Variants in HIVEP3 observed in about 807,000 individuals in gnomAD.
HIVEP3 encodes HIVEP zinc finger 3, also known as transcription factor HIVEP3.
A neutral mutation model predicts 152.8 loss-of-function variants in HIVEP3; 49 were observed. The observed-to-expected ratio is 0.32, with a 90% confidence interval of 0.26 to 0.41. HIVEP3 has a LOEUF of 0.41. Ranked by LOEUF, HIVEP3 falls within the 10% of genes least tolerant of loss-of-function variation. The pLI is 1.00. For synonymous variants in HIVEP3, 1,269 were observed against 1,289.0 expected (o/e 0.98, Z 0.33); for missense variants, 2,790 against 3,103.3 (o/e 0.90, Z 2.40).
intron 1 of HIVEP3, among the ~76,000 whole-genome samples, chr1:41,913,004 T>C (rs191346025): frequency 6.6e-6 from 1 of 152,310 alleles, no homozygotes; most frequent in Non-Finnish European, 1.5e-5. Context: ...ATGTGAACTG[T>C]ATGTTGCAAA....
At chr1:41,772,213 T>C (rs1648419272) in intron 1 of HIVEP3, among the ~76,000 whole-genome samples, 1 of 152,226 alleles carries the variant, frequency 6.6e-6, no homozygotes, top group Non-Finnish European at 1.5e-5. Flanking sequence ...CACTTGGGCA[T>C]GAACAGGGCC....
At chr1:41,788,410 A>G (rs1428563199) in intron 1 of HIVEP3, among the ~76,000 whole-genome samples, 2 of 152,206 alleles carry the variant, frequency 1.3e-5, no homozygotes, top group African/African-American at 2.4e-5. Flanking sequence ...GCCACCCAAG[A>G]CCACTCAGCC....
intron 2 of HIVEP3, among the ~76,000 whole-genome samples, chr1:41,690,832 C>G (rs555438915): frequency 6.6e-6 from 1 of 152,258 alleles, no homozygotes; most frequent in South Asian, 2.1e-4. Flanking sequence ...GCAGGAGAAT[C>G]GCTTGAACCC....
chr1:41,521,756 A>C (rs1642764756), intron 6 of HIVEP3, among the ~76,000 whole-genome samples: 1 of 152,236 alleles, frequency 6.6e-6, no homozygotes, highest in East Asian at 1.9e-4. Context: ...GCATCCACCA[A>C]CAACCCTGCC....
Position 41,513,388 on chromosome 1 carries a change from C to T in HIVEP3, c.5833G>A (p.Ala1945Thr), listed in dbSNP as rs566157911. The change falls in exon 8 of 9, where the codon GCC becomes ACC. Residue 1945 changes from alanine (A) to threonine (T), a missense_variant. Coordinates refer to ENST00000372583, the MANE Select transcript of HIVEP3 (RefSeq NM_024503.5). ...SMPGLPWLGP[A>T]PLGSVEKDTG... The stretch of plus-strand genomic sequence containing the variant: ...TCTTTCTCCACAGAGCCCAGAGGGG[C>T]CGGTCCCAGCCAGGGGAGGCCCGGC... 2.5e-6 allele frequency: 4 copies of T among 1,611,692 alleles called. No homozygotes were observed. In the East Asian group the frequency reaches 6.7e-5, roughly 27 times the overall value.
chr1:41,853,870 G>C (rs1343703485), intron 1 of HIVEP3, among the ~76,000 whole-genome samples: 8 of 152,164 alleles, frequency 5.3e-5, no homozygotes, highest in African/African-American at 1.9e-4. Flanking sequence ...GCGGCTCTAG[G>C]CTGCTGATGC....
intron 5 of HIVEP3, among the ~76,000 whole-genome samples, chr1:41,554,384 C>T (rs375231469): frequency 6.7e-4 from 102 of 152,314 alleles, no homozygotes; most frequent in African/African-American, 2.1e-3. Flanking sequence ...GTTAGCCATT[C>T]GTCTAATCTT....
chr1:41,987,595 G>A lies in HIVEP3; in HGVS notation n.119+48212C>T, dbSNP rs533994917. Among the ~76,000 whole-genome samples, 52 of 152,264 alleles carry A rather than the reference G, an allele frequency of 3.4e-4. No homozygotes were observed. The Middle Eastern group carries it at 0.017, about 50-fold the overall frequency. ...ATAGAGACCAATGGAACAGAATGGA[G>A]AGCCTAGAAATAAATGCATGCATTT... On this transcript the variant is annotated intron_variant and non_coding_transcript_variant, in intron 1 of 3. Transcript: ENST00000489103.
chr1:41,695,922 C>T (rs916927992), intron 2 of HIVEP3, among the ~76,000 whole-genome samples: 5 of 152,182 alleles, frequency 3.3e-5, no homozygotes, highest in African/African-American at 1.2e-4. Flanking sequence ...ATGGGAAGAG[C>T]CCTGGGCTTG....
intron 1 of HIVEP3, among the ~76,000 whole-genome samples, chr1:41,893,667 C>T (rs1392890967): frequency 6.6e-6 from 1 of 151,584 alleles, no homozygotes; most frequent in Non-Finnish European, 1.5e-5. Context: ...GTATAACTTA[C>T]TTCACCTGTC....
intron 1 of HIVEP3, among the ~76,000 whole-genome samples, chr1:41,725,640 C>T (rs1307318650): frequency 2.6e-5 from 4 of 152,240 alleles, no homozygotes; most frequent in African/African-American, 9.6e-5. Flanking sequence ...CGTATGGAAA[C>T]TCCATAAGAG....
chr1:41,556,277 C>T (rs527238392), intron 5 of HIVEP3, among the ~76,000 whole-genome samples: 8 of 152,368 alleles, frequency 5.3e-5, no homozygotes, highest in East Asian at 3.8e-4. Flanking sequence ...TTCTCCACAT[C>T]CTTCTCAACA....
intron 1 of HIVEP3, among the ~76,000 whole-genome samples, chr1:41,886,075 G>C (rs961786152): frequency 3.3e-5 from 5 of 152,262 alleles, no homozygotes; most frequent in Admixed American, 6.5e-5. Context: ...GAAATTTGCA[G>C]TAGTAAGATA....
chr1:41,647,438 C>A (rs1305876189), intron 2 of HIVEP3, among the ~76,000 whole-genome samples: 1 of 152,222 alleles, frequency 6.6e-6, no homozygotes, highest in Non-Finnish European at 1.5e-5. Flanking sequence ...GAACCGGGCA[C>A]AAGCTGTTTC....
Position 41,520,764 on chromosome 1 carries a change from G to A in HIVEP3, c.5384-2276C>T, listed in dbSNP as rs1269552632. Among the ~76,000 whole-genome samples the A allele has an allele frequency of 2.6e-5, 4 of 152,238 alleles. No homozygotes were observed. In the South Asian group the frequency reaches 8.3e-4, roughly 32 times the overall value. On this transcript the variant is annotated intron_variant, in intron 6 of 8. Transcript: ENST00000372583. ...TATGGGAAATGCCCTTGTCATCGCA[G>A]GAGGAAAATGTTGGAAGGAGCTTCA...
intron 2 of HIVEP3, among the ~76,000 whole-genome samples, chr1:41,670,577 C>G (rs1362945345): frequency 6.6e-6 from 1 of 152,126 alleles, no homozygotes; most frequent in Non-Finnish European, 1.5e-5. Flanking sequence ...AAACAAGAAA[C>G]AGAATAAGTA....
intron 1 of HIVEP3, among the ~76,000 whole-genome samples, chr1:41,997,967 G>A (rs960967040): frequency 2.6e-5 from 4 of 152,130 alleles, no homozygotes; most frequent in Admixed American, 6.5e-5. Context: ...TGTGCTAAAC[G>A]ATTGATTCCA....
At chr1:41,596,130 G>C (rs545299273) in intron 3 of HIVEP3, among the ~76,000 whole-genome samples, 1 of 152,066 alleles carries the variant, frequency 6.6e-6, no homozygotes. Flanking sequence ...GTTTCCACAC[G>C]TCCCCTCCTA....
chr1:41,882,816 G>C lies in HIVEP3; in HGVS notation c.-801+35597C>G, dbSNP rs114312707. 4.0e-3 allele frequency among the ~76,000 whole-genome samples: 602 copies of C among 152,342 alleles called. 3 individuals are homozygous for C. The highest frequency in any genetic ancestry group is 5.5e-3 in the Non-Finnish European group (372 of 68,034). On this transcript the variant is annotated intron_variant, in intron 1 of 8. Transcript: ENST00000372583. ...ATGAAATAACTTGACTTTCCATTTG[G>C]AAAGTGTCTTGCTAAATCCTTGCTG...
Sources: allele counts gnomAD v4.1 joint callset (sites outside exome capture counted in the v4.1 genomes callset), GRCh38; gene constraint gnomAD v4.1.1; transcripts MANE v1.5; gene names NCBI Gene and HGNC (gene_info 2026-07-23, HGNC 2026-07-21).